PTPRD: variants seen among roughly 807,000 people sequenced by gnomAD.
PTPRD encodes protein tyrosine phosphatase receptor type D.
PTPRD carries 34 observed loss-of-function variants against 214.5 expected under a neutral mutation model. The observed-to-expected ratio is 0.16, with a 90% CI of 0.12 to 0.21. The LOEUF is 0.21. Ranked by LOEUF, PTPRD falls within the 10% of genes least tolerant of loss-of-function variation. The pLI is 1.00. For missense variants in PTPRD, 2,545 were observed against 2,398.7 expected (o/e 1.06, Z -1.27); for synonymous variants, 1,128 against 845.7 (o/e 1.33, Z -5.79).
intron 11 of PTPRD, among the ~76,000 whole-genome samples, chr9:8,940,832 G>GATA (rs1476586412): frequency 7.4e-6 from 1 of 135,484 alleles, no homozygotes; most frequent in Non-Finnish European, 1.7e-5. Context: ...CATTAGTGAT[G>GATA]ATGATGATGA....
intron 2 of PTPRD, among the ~76,000 whole-genome samples, chr9:10,486,038 T>C (rs1423217494): frequency 1.3e-5 from 2 of 152,070 alleles, no homozygotes; most frequent in African/African-American, 2.4e-5. Context: ...TGTTTTTTTT[T>C]TTCTTGTAAA....
intron 4 of PTPRD, among the ~76,000 whole-genome samples, chr9:10,002,425 A>G (rs148154862): frequency 6.7e-6 from 1 of 149,912 alleles, no homozygotes; most frequent in East Asian, 1.9e-4. Flanking sequence ...TAATCTACCT[A>G]TATGTTGTCT....
intron 3 of PTPRD, among the ~76,000 whole-genome samples, chr9:10,190,692 TG>T (rs1251296446): frequency 8.7e-6 from 1 of 114,840 alleles, no homozygotes; most frequent in Non-Finnish European, 1.6e-5. Flanking sequence ...CACTCCAGCC[TG>T]GGCAACAAGA....
chr9:8,603,989 T>C (rs539866060), intron 14 of PTPRD, among the ~76,000 whole-genome samples: 13 of 152,334 alleles, frequency 8.5e-5, no homozygotes, highest in Non-Finnish European at 1.6e-4. Context: ...AAACACAATA[T>C]AGCTATTCTC....
intron 3 of PTPRD, among the ~76,000 whole-genome samples, chr9:10,154,954 T>A (rs1030039396): frequency 1.3e-5 from 2 of 152,144 alleles, no homozygotes; most frequent in African/African-American, 4.8e-5. Flanking sequence ...CCATATGAAT[T>A]TACTTTTTGT....
chr9:8,495,268 G>A (rs779423377), intron 26 of PTPRD, among the ~76,000 whole-genome samples: 5 of 152,052 alleles, frequency 3.3e-5, no homozygotes, highest in Non-Finnish European at 7.4e-5. Context: ...TTTAATGAAC[G>A]GTAACACATC....
At chr9:9,183,756 G>A (rs1158186349) in intron 9 of PTPRD, among the ~76,000 whole-genome samples, 1 of 151,814 alleles carries the variant, frequency 6.6e-6, no homozygotes, top group East Asian at 1.9e-4. Context: ...CCATCCTTTG[G>A]CCTTTAAATA....
chr9:9,531,956 T>C (rs770839888), intron 8 of PTPRD, among the ~76,000 whole-genome samples: 2 of 151,606 alleles, frequency 1.3e-5, no homozygotes, highest in Middle Eastern at 3.4e-3. Flanking sequence ...ACACATATAT[T>C]ATATATATAT....
intron 23 of PTPRD, among the ~76,000 whole-genome samples, chr9:8,503,889 C>T (rs1010244877): frequency 1.3e-5 from 2 of 152,100 alleles, no homozygotes; most frequent in African/African-American, 2.4e-5. Flanking sequence ...TCTTTTGCAG[C>T]CTCTTTCATT....
intron 9 of PTPRD, among the ~76,000 whole-genome samples, chr9:9,191,642 C>A (rs2099935252): frequency 6.6e-6 from 1 of 152,046 alleles, no homozygotes; most frequent in Non-Finnish European, 1.5e-5. Flanking sequence ...ATGACCATAT[C>A]TGAAGTTGAA....
chr9:8,710,678 T>C (rs1381230778), intron 12 of PTPRD, among the ~76,000 whole-genome samples: 1 of 152,146 alleles, frequency 6.6e-6, no homozygotes, highest in African/African-American at 2.4e-5. Flanking sequence ...AAATGTGCCC[T>C]TTCATAATTA....
intron 8 of PTPRD, among the ~76,000 whole-genome samples, chr9:9,401,079 G>C: frequency 6.6e-6 from 1 of 151,880 alleles, no homozygotes; most frequent in African/African-American, 2.4e-5. Context: ...ATCTGTACTA[G>C]GCAGGTGGTA....
intron 8 of PTPRD, among the ~76,000 whole-genome samples, chr9:9,564,726 C>G (rs1251435875): frequency 6.6e-6 from 1 of 151,820 alleles, no homozygotes; most frequent in Non-Finnish European, 1.5e-5. Context: ...TCAAGAAAAC[C>G]CATCTCTGAA....
At chr9:8,801,833 C>G (rs1458390645) in intron 11 of PTPRD, among the ~76,000 whole-genome samples, 3 of 152,162 alleles carry the variant, frequency 2.0e-5, no homozygotes, top group African/African-American at 4.8e-5. Flanking sequence ...TCTGTTTAGT[C>G]TCAATATTAA....
At position 9,331,804 on chromosome 9, in the gene PTPRD, T is replaced by C. The variant is rs919239058; in HGVS notation, c.-203+65645A>G. On this transcript the variant is annotated intron_variant, in intron 9 of 45. Coordinates refer to ENST00000381196, the MANE Select transcript of PTPRD (RefSeq NM_002839.4). The stretch of plus-strand genomic sequence containing the variant: ...GCAGTGACATAGCAGAAGAAGGGCA[T>C]GCACAATTGGGGCTGTTTTGGGGCT... 5.9e-5 allele frequency among the ~76,000 whole-genome samples: 9 copies of C among 152,150 alleles called. No homozygotes were observed. In the East Asian group the frequency reaches 1.4e-3, roughly 23 times the overall value.
At chr9:10,508,453 C>T (rs1327809533) in intron 2 of PTPRD, among the ~76,000 whole-genome samples, 1 of 152,126 alleles carries the variant, frequency 6.6e-6, no homozygotes, top group Non-Finnish European at 1.5e-5. Context: ...TGGGTATATA[C>T]CCAAAGGATT....
At chr9:10,117,042 A>G (rs1469753973) in intron 3 of PTPRD, among the ~76,000 whole-genome samples, 1 of 152,078 alleles carries the variant, frequency 6.6e-6, no homozygotes, top group Non-Finnish European at 1.5e-5. Flanking sequence ...ATAATTTACT[A>G]TGTTTCTTTT....
chr9:9,676,133 T>A (rs2096924089), intron 7 of PTPRD, among the ~76,000 whole-genome samples: 1 of 152,030 alleles, frequency 6.6e-6, no homozygotes, highest in Admixed American at 6.6e-5. Context: ...TTAATGTTGG[T>A]TTTTTATTAT....
chr9:10,330,050 T>C (rs2096721235), intron 3 of PTPRD, among the ~76,000 whole-genome samples: 1 of 151,878 alleles, frequency 6.6e-6, no homozygotes, highest in Non-Finnish European at 1.5e-5. Flanking sequence ...CCTGTACTTT[T>C]TTTTCTGAAA....
Sources: allele counts gnomAD v4.1 joint callset (sites outside exome capture counted in the v4.1 genomes callset), GRCh38; gene constraint gnomAD v4.1.1; transcripts MANE v1.5; gene names NCBI Gene and HGNC (gene_info 2026-07-23, HGNC 2026-07-21).